The following NCOR2 variants were observed in gnomAD, a reference collection of about 807,000 sequenced individuals.
NCOR2 encodes nuclear receptor corepressor 2, also known as CTG repeat protein 26.
A neutral mutation model predicts 262.9 loss-of-function variants in NCOR2; 81 were observed. The ratio of observed to expected loss-of-function variants is 0.31; its 90% CI spans 0.26 to 0.37. The LOEUF (loss-of-function observed/expected upper bound fraction) is 0.37. Among genes scored for constraint, NCOR2 ranks in the 10% least tolerant of loss-of-function variants. The pLI is 1.00. For missense variants in NCOR2, 3,385 were observed against 3,621.4 expected (o/e 0.93, Z 1.68); for synonymous variants, 1,659 against 1,559.3 (o/e 1.06, Z -1.51).
chr12:124,457,038 G>A lies in NCOR2; in HGVS notation c.762+68C>T, dbSNP rs1408101272. 2.5e-5 allele frequency: 12 copies of A among 476,190 alleles called. No individual in the cohort carries two copies. Among genetic ancestry groups the A allele is most frequent in the African/African-American group, 1.4e-4 (6 of 43,680 alleles). 29.5% of individuals were successfully genotyped at this position (476,190 alleles called of 1,614,324 possible). On this transcript the variant is annotated intron_variant, in intron 6 of 46. Coordinates refer to ENST00000405201, the Ensembl canonical transcript of NCOR2. The surrounding 1 kb of genome is among the most constrained non-coding windows in gnomAD (Gnocchi z 4.0). ...ACTTCCTCCTCCGCCGCACCCTCCC[G>A]CCTCCCTGCCCACCTCTCCAGCCAC...
In NCOR2 at chr12:124,360,283, G is replaced by A. The variant is rs190804331; in HGVS notation, c.3100+1843C>T. Among the ~76,000 whole-genome samples the A allele has an allele frequency of 3.9e-5, 6 of 152,346 alleles. 1 individual carries two copies. The East Asian group carries it at 9.6e-4, about 24-fold the overall frequency. On this transcript the variant is annotated intron_variant, in intron 22 of 46. Transcript: ENST00000405201. The stretch of plus-strand genomic sequence containing the variant: ...CCCAGGTAGCCCAGCCCTGGTCATG[G>A]GGCATCCCAGTTCCAGCGAGACATC...
chr12:124,501,064 A>G (rs61933577), intron 1 of NCOR2, among the ~76,000 whole-genome samples: 1,091 of 12,940 alleles, frequency 0.084, 5 homozygotes, highest in East Asian at 0.24. Flanking sequence ...GCACGCGCGC[A>G]CACACACACA....
rs1555222718 is a variant in NCOR2 at position 124,433,904 on chromosome 12, A to ACACACACACACACACACACACG, written c.883-3118_883-3117insCGTGTGTGTGTGTGTGTGTGTG. 3.7e-3 allele frequency among the ~76,000 whole-genome samples: 352 copies of ACACACACACACACACACACACG among 93,902 alleles called. 23 individuals carry two copies. The highest frequency in any genetic ancestry group is 6.2e-3 in the Middle Eastern group (1 of 162). The allele number at this position is 93,902 out of a possible 152,430, so 61.6% of individuals were successfully genotyped here. On this transcript the variant is annotated intron_variant, in intron 8 of 46. Transcript: ENST00000405201. Reference sequence around the variant, plus strand: ...CACACACACACACACACACACGCACACACACACACAGGGAAAGACTGGAGC... The same window carrying ACACACACACACACACACACACG: ...CACACACACACACACACACACGCACACACACACACACACACACACACGCACACACACAGGGAAAGACTGGAGC...
In NCOR2 at chr12:124,565,419, C is replaced by T. The variant is rs375133976; in HGVS notation, c.-165+1889G>A. On this transcript the variant is annotated intron_variant, in intron 1 of 32. Transcript: ENST00000458234. ...GCCAGTCACCGCTGGCTCCACCCCCCCTTCATTGCTCTGCTGGGCCTGACT... is the reference window on the plus strand; with the variant it reads ...GCCAGTCACCGCTGGCTCCACCCCCTCTTCATTGCTCTGCTGGGCCTGACT... Among the ~76,000 whole-genome samples the T allele has an allele frequency of 2.6e-3, 389 of 152,290 alleles. 2 individuals carry two copies. Among genetic ancestry groups the T allele is most frequent in the Admixed American group, 6.3e-3 (96 of 15,310 alleles).
At chr12:124,329,186 C>G (rs756781162) in intron 44 of NCOR2, 1 of 467,198 alleles carries the variant, frequency 2.1e-6, no homozygotes. Flanking sequence ...TCAGGCTGGG[C>G]GTGACTGCTC....
chr12:124,383,553 G>A, intron 17 of NCOR2: 1 of 453,320 alleles, frequency 2.2e-6, no homozygotes, highest in Non-Finnish European at 3.1e-6. Context: ...AAAAGAGGGG[G>A]CCTCAGGTGG....
chr12:124,520,431 T>C lies in NCOR2; in HGVS notation c.-118+15134A>G, dbSNP rs59700399. ...CCACCTCCTTCTGTTCATTTTTGTT[T>C]GTTTTGGACACAGACCTGCATCCAG... On this transcript the variant is annotated intron_variant, in intron 1 of 46. Transcript: ENST00000404621. Among the ~76,000 whole-genome samples the C allele has an allele frequency of 2.0e-5, 3 of 152,248 alleles. No individual in the cohort carries two copies. In the East Asian group the frequency reaches 5.8e-4, roughly 29 times the overall value.
At chr12:124,515,664 CATGTGA>C (rs2049707593) in intron 1 of NCOR2, among the ~76,000 whole-genome samples, 2 of 151,132 alleles carry the variant, frequency 1.3e-5, no homozygotes, top group African/African-American at 4.9e-5. Flanking sequence ...TGTGAGTGTG[CATGTGA>C]GTGTGAGTGT....
chr12:124,500,921 C>T (rs951407806), intron 1 of NCOR2, among the ~76,000 whole-genome samples: 1 of 152,134 alleles, frequency 6.6e-6, no homozygotes, highest in African/African-American at 2.4e-5. Flanking sequence ...ACGCGGGGCT[C>T]TGCGCCGCAC....
At chr12:124,327,730 G>A in intron 44 of NCOR2, 97 bp from the exon 47 acceptor site, 1 of 574,010 alleles carries the variant, frequency 1.7e-6, no homozygotes, top group Non-Finnish European at 2.9e-6. Flanking sequence ...AGAGAGGGAA[G>A]GAGGAGGAGG....
chr12:124,474,384 T>TTCC (rs2046988001), intron 3 of NCOR2, among the ~76,000 whole-genome samples: 1 of 150,828 alleles, frequency 6.6e-6, no homozygotes, highest in South Asian at 2.1e-4. Context: ...TCTGATCTTC[T>TTCC]TTCACTGAGA....
At chr12:124,490,427 T>C (rs2048020745) in intron 1 of NCOR2, among the ~76,000 whole-genome samples, 1 of 151,602 alleles carries the variant, frequency 6.6e-6, no homozygotes, top group Non-Finnish European at 1.5e-5. Context: ...GATGGATGGA[T>C]GGATGGATGG....
intron 16 of NCOR2, among the ~76,000 whole-genome samples, chr12:124,386,782 C>T (rs1434541620): frequency 6.6e-6 from 1 of 152,256 alleles, no homozygotes; most frequent in Non-Finnish European, 1.5e-5. Context: ...AAGCCAAGCC[C>T]CCGGTCTCGG....
intron 22 of NCOR2, among the ~76,000 whole-genome samples, chr12:124,360,351 T>A (rs1309781479): frequency 2.0e-5 from 3 of 152,202 alleles, no homozygotes; most frequent in Admixed American, 2.0e-4. Context: ...CCACTGGCTT[T>A]GCCTCCAAAA....
At chr12:124,448,415 G>A (rs571293070) in intron 7 of NCOR2, among the ~76,000 whole-genome samples, 5 of 152,228 alleles carry the variant, frequency 3.3e-5, no homozygotes, top group African/African-American at 4.8e-5. Context: ...CCGCCAGGCC[G>A]ATGAGGAGCC....
At chr12:124,556,178 C>T (rs531328723) in intron 1 of NCOR2, 3 of 152,516 alleles carry the variant, frequency 2.0e-5, no homozygotes, top group East Asian at 3.9e-4. Flanking sequence ...GTCACGGCCA[C>T]CAAGGGAGGG....
At chr12:124,379,151 G>A (rs923136481) in intron 17 of NCOR2, among the ~76,000 whole-genome samples, 2 of 150,836 alleles carry the variant, frequency 1.3e-5, no homozygotes, top group African/African-American at 2.5e-5. Flanking sequence ...GAGAGTGGCA[G>A]GTGCGGGGAG....
chr12:124,440,153 C>T lies in NCOR2; in HGVS notation c.816-2157G>A, dbSNP rs1411499521. 1.3e-5 allele frequency among the ~76,000 whole-genome samples: 2 copies of T among 152,192 alleles called. No individual in the cohort carries two copies. Among genetic ancestry groups the T allele is most frequent in the African/African-American group, 2.4e-5 (1 of 41,438 alleles). On this transcript the variant is annotated intron_variant, in intron 7 of 46. Transcript: ENST00000405201. This position sits in a 1 kb window ranked among gnomAD's most constrained non-coding sequence, Gnocchi z 5.7. ...CCAATCCGCGGCATTCAGTGGCACC[C>T]GCTTTTCTGGGGAGGGGATCCCCAA...
chr12:124,325,561 G>T, exon 47 of NCOR2: 1 of 1,318,926 alleles, frequency 7.6e-7, no homozygotes. Context: ...TGATCAGGGG[G>T]TTGTAGGGGA....
Sources: allele counts gnomAD v4.1 joint callset (sites outside exome capture counted in the v4.1 genomes callset), GRCh38; gene constraint gnomAD v4.1.1; non-coding constraint Gnocchi (gnomAD v3.1); transcripts MANE v1.5; gene names NCBI Gene and HGNC (gene_info 2026-07-23, HGNC 2026-07-21).